SYNPO2L: variants seen among roughly 807,000 people sequenced by gnomAD.
SYNPO2L encodes synaptopodin 2-like protein.
A neutral mutation model predicts 47.5 loss-of-function variants in SYNPO2L; 34 were observed. The observed-to-expected ratio is 0.72, with a 90% confidence interval of 0.54 to 0.95. SYNPO2L has a LOEUF of 0.95. Among genes scored for constraint, SYNPO2L ranks in the 40% least tolerant of loss-of-function variants. SYNPO2L has a pLI of 0.00. For missense variants in SYNPO2L, 1,246 were observed against 1,282.0 expected (o/e 0.97, Z 0.43); for synonymous variants, 536 against 524.9 (o/e 1.02, Z -0.29).
intron 3 of SYNPO2L, among the ~76,000 whole-genome samples, chr10:73,649,516 A>G (rs2081819707): frequency 6.6e-6 from 1 of 152,142 alleles, no homozygotes; most frequent in Admixed American, 6.5e-5. Flanking sequence ...AAGAATATCC[A>G]TCTAGTGAAA....
At chr10:73,653,912 G>T (rs921230332) in intron 2 of SYNPO2L, 7 of 742,394 alleles carry the variant, frequency 9.4e-6, no homozygotes, top group African/African-American at 7.1e-5. Flanking sequence ...GGTTGAAGTA[G>T]GCTCATCAGT....
intron 2 of SYNPO2L, among the ~76,000 whole-genome samples, chr10:73,653,888 G>A (rs565215287): frequency 3.9e-5 from 6 of 152,156 alleles, no homozygotes; most frequent in Non-Finnish European, 8.8e-5. Context: ...GTAATGAGGA[G>A]GAAACAGGCC....
intron 3 of SYNPO2L, chr10:73,650,805 A>G: frequency 7.1e-7 from 1 of 1,400,092 alleles, no homozygotes; most frequent in East Asian, 2.6e-5. Flanking sequence ...AGCAAAAAGG[A>G]ACAAGAGAGT....
chr10:73,648,935 T>C, intron 3 of SYNPO2L, 56 bp from the exon 4 acceptor site: 1 of 1,440,662 alleles, frequency 6.9e-7, no homozygotes, highest in Non-Finnish European at 9.1e-7. Flanking sequence ...CTTTTAGTCC[T>C]GTTCCCCAAG....
rs1200901005 is a variant in SYNPO2L, at chr10:73,647,510, CGGGGTCTTGGGAGCCATTGGAGGG to C, written c.2118_2141del (p.Ala710_Met717del). The C allele has an allele frequency of 8.4e-6, 13 of 1,540,042 alleles. No individual in the cohort carries two copies. Among genetic ancestry groups the C allele is most frequent in the Non-Finnish European group, 1.1e-5 (12 of 1,138,572 alleles). ...GTGGAGTCTTAGGAGTCATAGGGGG[CGGGGTCTTGGGAGCCATTGGAGGG>C]GGGGTCTTAGGTGTCACGTGAGGCA... is the stretch of plus-strand genomic sequence containing the variant. On this transcript the variant is annotated inframe_deletion, in exon 4 of 4. Transcript: ENST00000394810.
At chr10:73,651,102 G>C in intron 3 of SYNPO2L, 1 of 1,433,254 alleles carries the variant, frequency 7.0e-7, no homozygotes, top group Non-Finnish European at 9.2e-7. Flanking sequence ...GCTGGCAGCT[G>C]AATGAGCTCA....
chr10:73,651,341 G>A (rs1031430159), intron 3 of SYNPO2L, among the ~76,000 whole-genome samples: 2 of 152,144 alleles, frequency 1.3e-5, no homozygotes, highest in Admixed American at 6.6e-5. Context: ...TCCTAGGCAC[G>A]CATCTGGAAT....
At chr10:73,651,397 T>A (rs2081840426) in intron 3 of SYNPO2L, among the ~76,000 whole-genome samples, 1 of 152,106 alleles carries the variant, frequency 6.6e-6, no homozygotes. Flanking sequence ...TCAACTCTCA[T>A]GTCCTTAGCC....
chr10:73,645,205 C>T lies in SYNPO2L; in HGVS notation c.*1513G>A. The T allele has an allele frequency of 4.4e-6, 5 of 1,146,074 alleles. No individual in the cohort carries two copies. Among genetic ancestry groups the T allele is most frequent in the Non-Finnish European group, 5.4e-6 (5 of 920,006 alleles). The allele number at this position is 1,146,074 out of a possible 1,614,324, so 71.0% of individuals were successfully genotyped here. ...GAAAATCACACAGACACCAACCGTT[C>T]TTTCAACACTCAGCACACACCCTCA... On this transcript the variant is annotated 3_prime_UTR_variant, in exon 4 of 4. Transcript: ENST00000394810.
At chr10:73,650,587 C>A (rs1194577047) in intron 3 of SYNPO2L, 2 of 717,952 alleles carry the variant, frequency 2.8e-6, no homozygotes, top group East Asian at 2.6e-4. Flanking sequence ...ACTATACTTT[C>A]TTGATATATA....
Position 73,648,255 on chromosome 10 carries a change from C to G in SYNPO2L, c.1397G>C (p.Arg466Pro). The change falls in exon 4 of 4, where the codon CGG becomes CCG. Residue 466 changes from arginine (R) to proline (P), a missense_variant. Arg to Pro is a moderately radical substitution (Grantham distance 103). Around this residue, in one of 3 missense-constraint regions of SYNPO2L, gnomAD observed 1,037 missense variants for 1,021.5 expected, o/e 1.02. Transcript: ENST00000394810. ...APTPAPSIFN[R>P]SARPFTPGLQ... Reference sequence around the variant, plus strand: ...GCCCGGGGTAAAGGGCCTGGCTGACCGGTTAAAGATGCTTGGAGCTGGGGT... The same window carrying G: ...GCCCGGGGTAAAGGGCCTGGCTGACGGGTTAAAGATGCTTGGAGCTGGGGT... The G allele has an allele frequency of 6.3e-7, 1 of 1,595,072 alleles. No individual in the cohort carries two copies. Among genetic ancestry groups the G allele is most frequent in the Admixed American group, 1.7e-5 (1 of 59,642 alleles).
chr10:73,646,263 G>C lies in SYNPO2L; in HGVS notation c.*455C>G, dbSNP rs1589449822. The C allele has an allele frequency of 2.0e-6, 2 of 993,348 alleles. No individual in the cohort carries two copies. Among genetic ancestry groups the C allele is most frequent in the East Asian group, 2.2e-4 (2 of 9,032 alleles). 61.5% of individuals were successfully genotyped at this position (993,348 alleles called of 1,614,324 possible). On this transcript the variant is annotated 3_prime_UTR_variant, in exon 4 of 4. Transcript: ENST00000394810. Reference sequence around the variant, plus strand: ...CAAGCTTGGGAAAGCAGAGTGGGGGGTGGGGGTGGCTTAGTGCAAACAGGG... The same window carrying C: ...CAAGCTTGGGAAAGCAGAGTGGGGGCTGGGGGTGGCTTAGTGCAAACAGGG...
intron 1 of SYNPO2L, among the ~76,000 whole-genome samples, chr10:73,655,179 A>G (rs2081869331): frequency 6.6e-6 from 1 of 152,240 alleles, no homozygotes; most frequent in Non-Finnish European, 1.5e-5. Context: ...GAATGGTTCC[A>G]TGAAGTAGGT....
rs1416592740 is a variant in SYNPO2L at position 73,654,229 on chromosome 10, G to T, written c.157C>A (p.Leu53Ile). 6.4e-7 allele frequency: 1 copy of T among 1,551,718 alleles called. No homozygotes were observed. Among genetic ancestry groups the T allele is most frequent in the South Asian group, 1.2e-5 (1 of 84,056 alleles). ...CAAGAGACCCCATTGATTGCCAAGA[G>T]CTGGTCCCTCTCTCGGAGTCCTGCT... The part of the protein sequence containing the change: ...GRAGLRERDQ[L>I]LAINGVSCTN... The change falls in exon 2 of 4, where the codon CTC (leucine) becomes ATC (isoleucine). Residue 53 changes from leucine (L) to isoleucine (I), a missense_variant. Transcript: ENST00000394810.
rs1446789450 is a variant in SYNPO2L, at chr10:73,651,008, G to C, written c.773-2129C>G. Reference sequence around the variant, plus strand: ...GGCTGATGGGCTCAAAGGTCTCCATGCTGAGAAAGGCGGTGTTGGCTGGAG... The same window carrying C: ...GGCTGATGGGCTCAAAGGTCTCCATCCTGAGAAAGGCGGTGTTGGCTGGAG... On this transcript the variant is annotated intron_variant, in intron 3 of 3. Coordinates refer to ENST00000394810, the MANE Select transcript of SYNPO2L (RefSeq NM_001114133.3). 8 of 1,612,456 alleles carry C rather than the reference G, an allele frequency of 5.0e-6. No homozygotes were observed. In the Admixed American group the frequency reaches 6.7e-5, roughly 13 times the overall value.
rs1387121222 is a variant in SYNPO2L at position 73,644,942 on chromosome 10, C to T, written c.*1776G>A. ...CCAAAGTATTGTGACTCACACCCAA[C>T]AAGCAAAGGAAATTATCACTTTCCA... On this transcript the variant is annotated 3_prime_UTR_variant, in exon 4 of 4. Transcript: ENST00000394810. The T allele has an allele frequency of 8.5e-7, 1 of 1,180,690 alleles. No individual in the cohort carries two copies. The highest frequency in any genetic ancestry group is 7.7e-5 in the East Asian group (1 of 12,912). 73.1% of individuals were successfully genotyped at this position (1,180,690 alleles called of 1,614,324 possible).
intron 3 of SYNPO2L, among the ~76,000 whole-genome samples, chr10:73,652,231 C>T (rs1337219731): frequency 6.6e-6 from 1 of 152,012 alleles, no homozygotes. Flanking sequence ...TGGCTCACTG[C>T]AGCCCAAACC....
At position 73,648,032 on chromosome 10, in the gene SYNPO2L, G is replaced by C; in HGVS notation, c.1620C>G (p.Ser540=). ...PVSGSPSTPR[S]SGPVTATSSL... is the part of the protein sequence containing the mutation. ...AGCTGGTGGCTGTCACAGGGCCCGA[G>C]GAGCGTGGGGTGCTGGGGGAACCAG... Residue 540 remains serine (S), a synonymous_variant, in exon 4 of 4, where the codon TCC becomes TCG. Transcript: ENST00000394810. 1 of 1,591,774 alleles carries C rather than the reference G, an allele frequency of 6.3e-7. No homozygotes were observed.
At chr10:73,650,228 CCTTTGTAATGAG>C (rs1564993822) in intron 3 of SYNPO2L, 2 of 984,922 alleles carry the variant, frequency 2.0e-6, no homozygotes, top group African/African-American at 1.7e-5. Context: ...GTAATGAGCT[CCTTTGTAATGAG>C]CTTTGTAATG....
Sources: allele counts gnomAD v4.1 joint callset (sites outside exome capture counted in the v4.1 genomes callset), GRCh38; gene constraint gnomAD v4.1.1; regional missense constraint gnomAD v4.1.1; transcripts MANE v1.5; gene names NCBI Gene and HGNC (gene_info 2026-07-23, HGNC 2026-07-21).